PPP1R9A: variants seen among roughly 807,000 people sequenced by gnomAD.
The protein encoded by PPP1R9A is protein phosphatase 1 regulatory subunit 9A, also known as neurabin-1.
A neutral mutation model predicts 141.9 loss-of-function variants in PPP1R9A; 59 were observed. The ratio of observed to expected loss-of-function variants is 0.42; its 90% CI spans 0.34 to 0.52. The LOEUF is 0.52. Among genes scored for constraint, PPP1R9A ranks in the 20% least tolerant of loss-of-function variants. PPP1R9A has a pLI of 0.10. For missense variants in PPP1R9A, 1,444 were observed against 1,611.9 expected (o/e 0.90, Z 1.78); for synonymous variants, 500 against 569.7 (o/e 0.88, Z 1.74).
chr7:95,202,880 G>A (rs114803610), intron 6 of PPP1R9A, among the ~76,000 whole-genome samples: 1 of 151,936 alleles, frequency 6.6e-6, no homozygotes, highest in East Asian at 1.9e-4. Flanking sequence ...TAGAAAATAG[G>A]TATGGTCATT....
intron 7 of PPP1R9A, among the ~76,000 whole-genome samples, chr7:95,225,303 A>G (rs1794986812): frequency 6.6e-6 from 1 of 152,294 alleles, no homozygotes; most frequent in South Asian, 2.1e-4. Context: ...TCTCAAGGAA[A>G]GCTGGAAATC....
intron 5 of PPP1R9A, among the ~76,000 whole-genome samples, chr7:95,164,072 T>C (rs1830826642): frequency 6.6e-6 from 1 of 152,218 alleles, no homozygotes; most frequent in Non-Finnish European, 1.5e-5. Flanking sequence ...ATAAGTTTTC[T>C]ACTGGGTAAA....
intron 2 of PPP1R9A, among the ~76,000 whole-genome samples, chr7:94,997,090 C>T (rs1422123532): frequency 1.3e-5 from 2 of 152,070 alleles, no homozygotes; most frequent in Admixed American, 6.5e-5. Context: ...AGGCGTGAGC[C>T]ACCACACCTG....
intron 5 of PPP1R9A, among the ~76,000 whole-genome samples, chr7:95,165,060 T>C (rs940004347): frequency 6.6e-6 from 1 of 152,174 alleles, no homozygotes; most frequent in Non-Finnish European, 1.5e-5. Flanking sequence ...CAAATATCAA[T>C]TCTTCAATGA....
At chr7:95,165,307 C>T (rs999915751) in intron 5 of PPP1R9A, among the ~76,000 whole-genome samples, 1 of 152,188 alleles carries the variant, frequency 6.6e-6, no homozygotes, top group Non-Finnish European at 1.5e-5. Flanking sequence ...GGCTTTCATC[C>T]TGCTCTTTTG....
rs866026163 is a variant in PPP1R9A at position 95,070,619 on chromosome 7, A to G, written c.1396-40640A>G. 4.9e-3 allele frequency among the ~76,000 whole-genome samples: 691 copies of G among 140,572 alleles called. 9 individuals are homozygous for G. The highest frequency in any genetic ancestry group is 0.017 in the African/African-American group (645 of 38,964). The allele number at this position is 140,572 out of a possible 152,430, so 92.2% of individuals were successfully genotyped here. A position where few individuals can be genotyped will look rare whatever the true frequency, so the allele number is the denominator to read the frequency against. On this transcript the variant is annotated intron_variant, in intron 2 of 19. Coordinates refer to ENST00000433360, the MANE Select transcript of PPP1R9A (RefSeq NM_001166160.2). ...TATATATATATATATATACACACACACACACATATATATAAGGTGTTTTTG... is the reference window on the plus strand; with the variant it reads ...TATATATATATATATATACACACACGCACACATATATATAAGGTGTTTTTG...
At position 95,117,454 on chromosome 7, in the gene PPP1R9A, C is replaced by T. The variant is rs1301452615; in HGVS notation, c.1529-3258C>T. 5.9e-5 allele frequency among the ~76,000 whole-genome samples: 9 copies of T among 152,136 alleles called. No individual in the cohort carries two copies. The East Asian group carries it at 1.4e-3, about 23-fold the overall frequency. Reference sequence around the variant, plus strand: ...TCATGTTGTCCTTGTAAGTAATTTGCATTAGAATTGAGGATGGCTTGAGTT... The same window carrying T: ...TCATGTTGTCCTTGTAAGTAATTTGTATTAGAATTGAGGATGGCTTGAGTT... On this transcript the variant is annotated intron_variant, in intron 3 of 19. Coordinates refer to ENST00000433360, the MANE Select transcript of PPP1R9A (RefSeq NM_001166160.2).
Position 94,911,487 on chromosome 7 carries a change from G to A in PPP1R9A, c.1374G>A (p.Lys458=). Residue 458 remains lysine, a synonymous_variant, in exon 2 of 20, where the codon AAG becomes AAA. Coordinates refer to ENST00000433360, the MANE Select transcript of PPP1R9A (RefSeq NM_001166160.2). ...EEEIPANRKI[K]FSSAPIKVFN... is the part of the protein sequence containing the mutation. ...AAATCCCAGCAAATAGGAAAATTAAGTTTAGTAGTGCTCCTATTAAGGTAA... is the reference window on the plus strand; with the variant it reads ...AAATCCCAGCAAATAGGAAAATTAAATTTAGTAGTGCTCCTATTAAGGTAA... 1 of 1,610,728 alleles carries A rather than the reference G, an allele frequency of 6.2e-7. No individual in the cohort carries two copies. Among genetic ancestry groups the A allele is most frequent in the Non-Finnish European group, 8.5e-7 (1 of 1,177,624 alleles).
At chr7:95,286,182 ACT>A (rs759463183) in intron 17 of PPP1R9A, 22 bp from the exon 18 acceptor site, 2 of 1,610,838 alleles carry the variant, frequency 1.2e-6, no homozygotes, top group Non-Finnish European at 1.7e-6. Flanking sequence ...CTCATTTAAC[ACT>A]GAGCTTCATT....
At chr7:95,033,195 T>C (rs1313489319) in intron 2 of PPP1R9A, among the ~76,000 whole-genome samples, 1 of 124,550 alleles carries the variant, frequency 8.0e-6, no homozygotes, top group Non-Finnish European at 1.7e-5. Flanking sequence ...TTTTTTTTTT[T>C]AGTAGAGACG....
At chr7:95,164,213 T>C (rs190403419) in intron 5 of PPP1R9A, among the ~76,000 whole-genome samples, 2 of 152,322 alleles carry the variant, frequency 1.3e-5, no homozygotes, top group East Asian at 3.9e-4. Flanking sequence ...GAGTTCCTAT[T>C]GCTCCACATC....
intron 2 of PPP1R9A, among the ~76,000 whole-genome samples, chr7:95,092,759 G>T (rs1584646285): frequency 6.6e-6 from 1 of 152,190 alleles, no homozygotes; most frequent in South Asian, 2.1e-4. Flanking sequence ...AGTACGAAAG[G>T]ACTACAGGTG....
At chr7:95,021,721 T>C (rs1342731919) in intron 2 of PPP1R9A, among the ~76,000 whole-genome samples, 1 of 152,174 alleles carries the variant, frequency 6.6e-6, no homozygotes, top group Non-Finnish European at 1.5e-5. Flanking sequence ...ATTTATTAAA[T>C]AGGGAATCCT....
chr7:95,135,913 C>T (rs207468296), intron 4 of PPP1R9A, among the ~76,000 whole-genome samples: 1 of 139,490 alleles, frequency 7.2e-6, no homozygotes, highest in Non-Finnish European at 1.5e-5. Context: ...CCTTCAAATG[C>T]CATGGCTCAA....
chr7:94,996,924 G>A (rs937904653), intron 2 of PPP1R9A, among the ~76,000 whole-genome samples: 2 of 149,010 alleles, frequency 1.3e-5, no homozygotes, highest in South Asian at 2.2e-4. Flanking sequence ...TGCCCCAGCC[G>A]CCCAAGTAGC....
At chr7:95,180,125 T>C (rs1833521927) in intron 5 of PPP1R9A, among the ~76,000 whole-genome samples, 1 of 152,148 alleles carries the variant, frequency 6.6e-6, no homozygotes, top group Non-Finnish European at 1.5e-5. Context: ...CTTCAAACTA[T>C]ACTATAAGGC....
In PPP1R9A at chr7:95,285,401, C is replaced by T. The variant is rs74533611; in HGVS notation, c.3610-805C>T. 5.7e-3 allele frequency among the ~76,000 whole-genome samples: 866 copies of T among 152,294 alleles called. 13 individuals are homozygous for T. The highest frequency in any genetic ancestry group is 0.02 in the African/African-American group (825 of 41,556). On this transcript the variant is annotated intron_variant, in intron 17 of 19. Transcript: ENST00000433360. ...GGATCTGAGGCATCTAAATGCAATTCGAAGAATTCTGCCATTATCTTGCAC... is the reference window on the plus strand; with the variant it reads ...GGATCTGAGGCATCTAAATGCAATTTGAAGAATTCTGCCATTATCTTGCAC...
intron 4 of PPP1R9A, among the ~76,000 whole-genome samples, chr7:95,134,865 A>C (rs1260541892): frequency 6.6e-6 from 1 of 152,228 alleles, no homozygotes; most frequent in Non-Finnish European, 1.5e-5. Flanking sequence ...TACTTTTCCT[A>C]AAGGCAATTT....
chr7:95,107,169 A>G (rs1319933514), intron 2 of PPP1R9A, among the ~76,000 whole-genome samples: 2 of 152,232 alleles, frequency 1.3e-5, no homozygotes, highest in Admixed American at 1.3e-4. Context: ...TTAATTTTTA[A>G]TAAAGCTGAA....
Sources: gnomAD v4.1 joint callset for allele counts (sites outside exome capture counted in the v4.1 genomes callset) on GRCh38, gnomAD v4.1.1 for gene constraint, MANE v1.5 for transcripts, NCBI Gene and HGNC (gene_info 2026-07-23, HGNC 2026-07-21) for gene names.